ZFP64: variants seen among roughly 807,000 people sequenced by gnomAD.
ZFP64 encodes zinc finger protein 64.
In ZFP64, 14 loss-of-function variants were observed where a neutral mutation model predicts 51.6. That is an observed-to-expected ratio of 0.27 (90% confidence interval 0.18 to 0.42). The LOEUF (loss-of-function observed/expected upper bound fraction) is 0.42, where lower values mean the gene tolerates loss of function less well. Ranked by LOEUF, ZFP64 falls within the 10% of genes least tolerant of loss-of-function variation. The pLI, the probability that ZFP64 is intolerant of heterozygous loss-of-function variation, is 1.00. For synonymous variants in ZFP64, 375 were observed against 361.4 expected (o/e 1.04, Z -0.43); for missense variants, 754 against 906.8 (o/e 0.83, Z 2.16).
At chr20:52,166,068 C>G in intron 2 of ZFP64, 43 bp from the exon 3 acceptor site, 1 of 1,563,988 alleles carries the variant, frequency 6.4e-7, no homozygotes. Context: ...TATAAATGCC[C>G]GCTAGCTATG....
chr20:52,190,266 C>T (rs1984275742), intron 1 of ZFP64, among the ~76,000 whole-genome samples: 1 of 152,150 alleles, frequency 6.6e-6, no homozygotes, highest in Admixed American at 6.5e-5. Context: ...GCTGACGATT[C>T]CTTAATGATG....
chr20:52,129,879 T>C (rs906434050), intron 5 of ZFP64, among the ~76,000 whole-genome samples: 1 of 152,354 alleles, frequency 6.6e-6, no homozygotes, highest in Non-Finnish European at 1.5e-5. Flanking sequence ...TCATCTTTGC[T>C]GAATGAGTGC....
chr20:52,144,601 A>AAAAAAAAAAAAAAAAAAC (rs1980430806), intron 5 of ZFP64, among the ~76,000 whole-genome samples: 1 of 148,790 alleles, frequency 6.7e-6, no homozygotes, highest in Non-Finnish European at 1.5e-5. Flanking sequence ...AAAAAAAAAA[A>AAAAAAAAAAAAAAAAAAC]ATGCTGAAAG....
rs1167376554 is a variant in ZFP64 at position 52,116,446 on chromosome 20, C to CT, written c.764-17860dup. On this transcript the variant is annotated intron_variant, in intron 5 of 8. Coordinates refer to the ZFP64 transcript ENST00000361387. ...CCACTGCGCCTGGCCATATTTCTTT[C>CT]TTTTTTTTTTTTTTTAAAGAAAATA... Among the ~76,000 whole-genome samples the CT allele has an allele frequency of 2.4e-3, 222 of 91,470 alleles. 1 individual carries two copies. The highest frequency in any genetic ancestry group is 0.012 in the East Asian group (54 of 4,488). 60.0% of individuals were successfully genotyped at this position (91,470 alleles called of 152,430 possible).
At chr20:52,101,474 ATCC>A (rs1188721113) in intron 5 of ZFP64, among the ~76,000 whole-genome samples, 9 of 152,220 alleles carry the variant, frequency 5.9e-5, no homozygotes, top group Admixed American at 4.6e-4. Context: ...GGCTCAAGCC[ATCC>A]TCCTACCTCA....
rs75478182 is a variant in ZFP64 at position 52,191,300 on chromosome 20, G to C, written c.46+291C>G. ...CTGATGGGGCGGGAATGCCCTTAGG[G>C]GGTGGCGATTGTCTGAACGGCGTGC... On this transcript the variant is annotated intron_variant, in intron 1 of 5. Coordinates refer to ENST00000216923, the MANE Select transcript of ZFP64 (RefSeq NM_018197.3). The surrounding 1 kb of genome is among the most constrained non-coding windows in gnomAD (Gnocchi z 4.3). Among the ~76,000 whole-genome samples, 9,818 of 152,236 alleles carry C rather than the reference G, an allele frequency of 0.064. 401 individuals are homozygous for C. Among genetic ancestry groups the C allele is most frequent in the Middle Eastern group, 0.11 (33 of 294 alleles).
At chr20:52,164,576 G>A (rs888630254) in intron 4 of ZFP64, 119 bp downstream of exon 4, 3 of 865,026 alleles carry the variant, frequency 3.5e-6, no homozygotes, top group Non-Finnish European at 5.7e-6. Context: ...ATCTGGACTT[G>A]TATTCCCATA....
intron 5 of ZFP64, among the ~76,000 whole-genome samples, chr20:52,131,522 A>G (rs1979722373): frequency 6.6e-6 from 1 of 152,218 alleles, no homozygotes; most frequent in African/African-American, 2.4e-5. Context: ...TAAAGGGATG[A>G]AAAAGATATT....
chr20:52,104,579 G>A, intron 5 of ZFP64: 2 of 405,188 alleles, frequency 4.9e-6, no homozygotes, highest in South Asian at 3.7e-5. Flanking sequence ...TGACCTCTCG[G>A]GCTACAGCAG....
At chr20:52,098,895 G>A (rs145684797) in intron 5 of ZFP64, among the ~76,000 whole-genome samples, 1,801 of 151,762 alleles carry the variant, frequency 0.012, 12 homozygotes, top group Non-Finnish European at 0.019. Context: ...CCAGCTACTC[G>A]GGAGGCTGAG....
intron 5 of ZFP64, among the ~76,000 whole-genome samples, chr20:52,111,514 A>C (rs6021707): frequency 0.21 from 31,257 of 150,520 alleles, 3,566 homozygotes; most frequent in Admixed American, 0.28. Flanking sequence ...CTTGCCCAGA[A>C]TCCGATTTTT....
In ZFP64 at chr20:52,140,814, C is replaced by A. The variant is rs549968211; in HGVS notation, c.763+19309G>T. Among the ~76,000 whole-genome samples the A allele has an allele frequency of 3.3e-5, 5 of 152,222 alleles. No homozygotes were observed. The South Asian group carries it at 1.0e-3, about 32-fold the overall frequency. On this transcript the variant is annotated intron_variant, in intron 5 of 8. Coordinates refer to the ZFP64 transcript ENST00000361387. ...AACCGTCTCCTACTGGAAGAAGATA[C>A]CATCTAGGATGTTCATAGCTAGAGG...
chr20:52,150,030 C>G (rs1032313718), downstream of ZFP64, among the ~76,000 whole-genome samples: 2 of 151,866 alleles, frequency 1.3e-5, no homozygotes, highest in African/African-American at 2.4e-5. Flanking sequence ...ACGGTGAAAC[C>G]CTGTCTCTAC....
chr20:52,087,720 C>T (rs2078879268), intron 8 of ZFP64, among the ~76,000 whole-genome samples: 1 of 152,212 alleles, frequency 6.6e-6, no homozygotes, highest in Non-Finnish European at 1.5e-5. Flanking sequence ...GTGGCCCTGG[C>T]TGTCTACATG....
intron 5 of ZFP64, among the ~76,000 whole-genome samples, chr20:52,146,177 C>T (rs998086795): frequency 2.0e-5 from 3 of 152,088 alleles, no homozygotes; most frequent in Non-Finnish European, 2.9e-5. Context: ...TGTTTCAGCT[C>T]CTCAGAGATC....
At chr20:52,109,854 G>A (rs1331222709) in intron 5 of ZFP64, among the ~76,000 whole-genome samples, 2 of 151,260 alleles carry the variant, frequency 1.3e-5, no homozygotes, top group African/African-American at 4.9e-5. Context: ...TCTTATAGGT[G>A]ACAACTTTTC....
chr20:52,185,635 C>G (rs947525194), intron 2 of ZFP64, among the ~76,000 whole-genome samples: 1 of 140,224 alleles, frequency 7.1e-6, no homozygotes, highest in Non-Finnish European at 1.5e-5. Flanking sequence ...GGCTGGAGTG[C>G]GATGGCACGA....
At chr20:52,123,926 G>A (rs756035408) in intron 5 of ZFP64, among the ~76,000 whole-genome samples, 7 of 151,994 alleles carry the variant, frequency 4.6e-5, no homozygotes, top group African/African-American at 1.4e-4. Flanking sequence ...CTCAAGTGCA[G>A]TGGCCTTATC....
At chr20:52,120,173 C>A (rs1192145415) in intron 5 of ZFP64, among the ~76,000 whole-genome samples, 1 of 152,162 alleles carries the variant, frequency 6.6e-6, no homozygotes, top group Non-Finnish European at 1.5e-5. Flanking sequence ...TTGCCAGACA[C>A]CGAATCTGCC....
Sources: allele counts gnomAD v4.1 joint callset (sites outside exome capture counted in the v4.1 genomes callset), GRCh38; gene constraint gnomAD v4.1.1; non-coding constraint Gnocchi (gnomAD v3.1); transcripts MANE v1.5; gene names NCBI Gene and HGNC (gene_info 2026-07-23, HGNC 2026-07-21).